TMC6: variants seen among roughly 807,000 people sequenced by gnomAD.
TMC6 encodes transmembrane channel like 6, also known as transmembrane channel-like protein 6.
A neutral mutation model predicts 95.4 loss-of-function variants in TMC6; 71 were observed. That is an observed-to-expected ratio of 0.74 (90% CI 0.61 to 0.91). The LOEUF (loss-of-function observed/expected upper bound fraction) is 0.91. Ranked by LOEUF, TMC6 falls within the 40% of genes least tolerant of loss-of-function variation. The pLI, the probability that TMC6 is intolerant of heterozygous loss-of-function variation, is 0.00. For missense variants in TMC6, 1,074 were observed against 1,079.1 expected (o/e 1.00, Z 0.07); for synonymous variants, 514 against 483.1 (o/e 1.06, Z -0.84).
chr17:78,119,072 G>T, intron 14 of TMC6, 26 bp from the exon 15 acceptor site: 1 of 1,561,118 alleles, frequency 6.4e-7, no homozygotes, highest in Non-Finnish European at 8.7e-7. Flanking sequence ...CAGTTCAGGG[G>T]CTGCTCCAGT....
At chr17:78,131,461 CGGAA>C, upstream of TMC6, 1 of 1,361,646 alleles carries the variant, frequency 7.3e-7, no homozygotes, top group Admixed American at 2.0e-5. Flanking sequence ...GCAGAGGGGA[CGGAA>C]GGGCCCGCCC....
intron 8 of TMC6, 22 bp downstream of exon 8, chr17:78,124,502 C>T: frequency 2.5e-6 from 4 of 1,606,322 alleles, no homozygotes; most frequent in Admixed American, 1.7e-5. Flanking sequence ...CCCCCCGTCC[C>T]CCAGTCCTAG....
rs145262917 is a variant in TMC6, at chr17:78,125,854, T to A, written c.302A>T (p.Tyr101Phe). 23 of 1,551,594 alleles carry A rather than the reference T, an allele frequency of 1.5e-5. No individual in the cohort carries two copies. In the African/African-American group the frequency reaches 2.9e-4, roughly 19 times the overall value. The change falls in exon 5 of 20, where the codon TAC becomes TTC. Residue 101 changes from tyrosine to phenylalanine, a missense_variant. Physicochemically the swap from Tyr to Phe is conservative, Grantham distance 22 (BLOSUM62 3). Coordinates refer to ENST00000590602, the MANE Select transcript of TMC6 (RefSeq NM_001127198.5). The stretch of plus-strand genomic sequence containing the variant: ...CCGAAGCTGCACCGTGCGGTTGTAG[T>A]ACTGGGAGATGATGGCACCTCGGCT... ...GRSRGAIISQ[Y>F]YNRTVQLRCR...
intron 1 of TMC6, among the ~76,000 whole-genome samples, chr17:78,127,450 G>A (rs2074779416): frequency 6.6e-6 from 1 of 152,200 alleles, no homozygotes; most frequent in East Asian, 1.9e-4. Flanking sequence ...CGCCGTCAGG[G>A]CGCCAAGGTC....
chr17:78,123,861 G>C (rs2074556554), intron 9 of TMC6, 128 bp downstream of exon 9: 1 of 1,259,106 alleles, frequency 7.9e-7, no homozygotes, highest in Non-Finnish European at 1.1e-6. Context: ...GGATAGGTGA[G>C]TGGATGAGAG....
intron 15 of TMC6, 117 bp downstream of exon 15, chr17:78,118,854 G>A: frequency 8.4e-7 from 1 of 1,187,716 alleles, no homozygotes. Flanking sequence ...CGAGCCGCCA[G>A]CCCCACTCCA....
chr17:78,131,728 G>A, upstream of TMC6: 1 of 1,583,676 alleles, frequency 6.3e-7, no homozygotes, highest in Non-Finnish European at 8.6e-7. Context: ...ATGGACAAGC[G>A]CCTCATCTGG....
In TMC6 at chr17:78,121,082, A is replaced by G; in HGVS notation, c.1466T>C (p.Leu489Pro). 3 of 1,612,996 alleles carry G rather than the reference A, an allele frequency of 1.9e-6. No homozygotes were observed. The highest frequency in any genetic ancestry group is 2.5e-6 in the Non-Finnish European group (3 of 1,179,902). The change falls in exon 12 of 20, where the codon CTG becomes CCG. Residue 489 changes from leucine (L) to proline (P), a missense_variant. Transcript: ENST00000590602. This position sits in a 1 kb window ranked among gnomAD's most constrained non-coding sequence, Gnocchi z 5.6. ...VGLLNLGAPY[L>P]CRVLAALEPH... ...CTCCAGGGCGGCCAGGACACGGCAC[A>G]GGTAGGGGGCCCCCAGGTTGAGGAG...
chr17:78,124,634 G>C lies in TMC6; in HGVS notation c.781C>G (p.Leu261Val), dbSNP rs375602430. 6.2e-7 allele frequency: 1 copy of C among 1,612,278 alleles called. No individual in the cohort carries two copies. The highest frequency in any genetic ancestry group is 1.3e-5 in the African/African-American group (1 of 75,034). ...FLKTLLAFNALLLLLLVAFIM... is the reference protein window; with the variant it reads ...FLKTLLAFNAVLLLLLVAFIM... ...AAGGCCACCAGCAGCAGCAGCAGGA[G>C]GGCATTGAAAGCCAGCAGGGTCTTG... Residue 261 changes from leucine (L) to valine (V), a missense_variant, in exon 8 of 20, where the codon CTC (leucine) becomes GTC (valine). Coordinates refer to ENST00000590602, the MANE Select transcript of TMC6 (RefSeq NM_001127198.5).
chr17:78,124,883 C>T lies in TMC6; in HGVS notation c.633+6G>A. 1 of 1,595,646 alleles carries T rather than the reference C, an allele frequency of 6.3e-7. No individual in the cohort carries two copies. The highest frequency in any genetic ancestry group is 1.7e-4 in the Middle Eastern group (1 of 5,886). On this transcript the variant is annotated splice_donor_region_variant and intron_variant, in intron 7 of 19. Coordinates refer to ENST00000590602, the MANE Select transcript of TMC6 (RefSeq NM_001127198.5). ...CCCAGCCCCAGGGCAGACCAGGGGC[C>T]CATACCAGCACGCAGGCATATCTGA...
chr17:78,107,991 A>T lies in TMC6; in HGVS notation c.*5157T>A, dbSNP rs1460212901. The T allele has an allele frequency of 2.0e-5, 3 of 152,216 alleles. No homozygotes were observed. The highest frequency in any genetic ancestry group is 4.4e-5 in the Non-Finnish European group (3 of 68,040). The allele number at this position is 152,216 out of a possible 1,614,324, so 9.4% of individuals were successfully genotyped here. A position where few individuals can be genotyped will look rare whatever the true frequency, so the allele number is the denominator to read the frequency against. The stretch of plus-strand genomic sequence containing the variant: ...AGAAGCACAACCAGCCTAACCCCAG[A>T]ATCTCAGGTGGCACAGCTAGAAATT... On this transcript the variant is annotated 3_prime_UTR_variant, in exon 20 of 20. Transcript: ENST00000590602.
Position 78,124,110 on chromosome 17 carries a change from TGC to T in TMC6, c.959_960del (p.Gly320GlufsTer180), listed in dbSNP as rs1473714519. 1 of 1,613,180 alleles carries T rather than the reference TGC, an allele frequency of 6.2e-7. No individual in the cohort carries two copies. ...GTGCACTGGCTGCCATCCAGGGGGC[TGC>T]CACACGGCTGGTTCAGCGTGGCGTT... ...YSNATLNQPC[G>X]SPLDGSQCTP... On this transcript the variant is annotated frameshift_variant, in exon 9 of 20. Coordinates refer to ENST00000590602, the MANE Select transcript of TMC6 (RefSeq NM_001127198.5). LOFTEE classifies it high-confidence loss of function.
upstream of TMC6, chr17:78,131,665 T>C (rs145016347): frequency 0.032 from 49,442 of 1,568,410 alleles, 1,013 homozygotes; most frequent in South Asian, 0.077. Flanking sequence ...GAGGCAGAGA[T>C]GGAGCGGCTG....
chr17:78,125,526 G>A (rs1022472087), intron 5 of TMC6, among the ~76,000 whole-genome samples, 200 bp downstream of exon 5: 5 of 152,240 alleles, frequency 3.3e-5, no homozygotes, highest in African/African-American at 1.2e-4. Flanking sequence ...ACTCCAAGGC[G>A]CTTGTGAGGT....
Position 78,125,289 on chromosome 17 carries a change from C to A in TMC6, c.431-26G>T, listed in dbSNP as rs201279379. 7.2e-4 allele frequency: 1,115 copies of A among 1,547,608 alleles called. 9 individuals are homozygous for A. The African/African-American group carries it at 0.014, about 19-fold the overall frequency. On this transcript the variant is annotated intron_variant, in intron 5 of 19. Coordinates refer to ENST00000590602, the MANE Select transcript of TMC6 (RefSeq NM_001127198.5). The stretch of plus-strand genomic sequence containing the variant: ...CTGCGAGAGGGAGAGGGAGGTCCTG[C>A]CCATCCCCAAGTGCCCCTCCCTGCA...
Position 78,109,547 on chromosome 17 carries a change from C to G in TMC6, c.*3601G>C, listed in dbSNP as rs1321725901. ...TCAGGAGGCTGAGGCGGGAGGATCA[C>G]CTGAGCCCAGGAGGTCGAGGCTGCA... is the stretch of plus-strand genomic sequence containing the variant. On this transcript the variant is annotated 3_prime_UTR_variant, in exon 20 of 20. Coordinates refer to ENST00000590602, the MANE Select transcript of TMC6 (RefSeq NM_001127198.5). 6.6e-6 allele frequency: 3 copies of G among 456,404 alleles called. No individual in the cohort carries two copies. Among genetic ancestry groups the G allele is most frequent in the Non-Finnish European group, 1.3e-5 (3 of 226,966 alleles). 28.3% of individuals were successfully genotyped at this position (456,404 alleles called of 1,614,324 possible).
At chr17:78,126,153 C>T (rs2074701940) in intron 4 of TMC6, 124 bp downstream of exon 4, 1 of 1,382,536 alleles carries the variant, frequency 7.2e-7, no homozygotes. Flanking sequence ...CGCCCTGGGC[C>T]TGGCTCTGAG....
rs1188887835 is a variant in TMC6, at chr17:78,121,563, A to G, written c.1376T>C (p.Met459Thr). The change falls in exon 11 of 20, where the codon ATG becomes ACG. Residue 459 changes from methionine to threonine, a missense_variant. Met to Thr is a moderately conservative substitution (Grantham distance 81). Coordinates refer to ENST00000590602, the MANE Select transcript of TMC6 (RefSeq NM_001127198.5). The surrounding 1 kb of genome is among the most constrained non-coding windows in gnomAD (Gnocchi z 5.6). Reference sequence around the variant, plus strand: ...CTCCCCCCATCCCCGCACCTGGATCATGAACTCCGAGAAGACGTGGACGGC... The same window carrying G: ...CTCCCCCCATCCCCGCACCTGGATCGTGAACTCCGAGAAGACGTGGACGGC... Reference protein sequence around the residue: ...AVAVHVFSEFMIQSPEAAGQE... With the variant: ...AVAVHVFSEFTIQSPEAAGQE... The G allele has an allele frequency of 2.5e-6, 4 of 1,611,268 alleles. No individual in the cohort carries two copies. Among genetic ancestry groups the G allele is most frequent in the Admixed American group, 1.7e-5 (1 of 59,986 alleles).
upstream of TMC6, chr17:78,131,596 T>G (rs745434388): frequency 1.3e-6 from 2 of 1,546,366 alleles, no homozygotes; most frequent in South Asian, 2.4e-5. Context: ...GAGATGCTGC[T>G]GCCGCGGTCG....
Sources: allele counts gnomAD v4.1 joint callset (sites outside exome capture counted in the v4.1 genomes callset), GRCh38; gene constraint gnomAD v4.1.1; non-coding constraint Gnocchi (gnomAD v3.1); transcripts MANE v1.5; gene names NCBI Gene and HGNC (gene_info 2026-07-23, HGNC 2026-07-21).